GPR155: variants seen among roughly 807,000 people sequenced by gnomAD.
GPR155 encodes the protein lysosomal cholesterol signaling protein.
GPR155 carries 65 observed loss-of-function variants against 93.1 expected under a neutral mutation model. The observed-to-expected ratio is 0.70, with a 90% CI of 0.57 to 0.86. The LOEUF is 0.86. Ranked by LOEUF, GPR155 falls within the 40% of genes least tolerant of loss-of-function variation. The pLI, the probability that GPR155 is intolerant of heterozygous loss-of-function variation, is 0.00. For synonymous variants in GPR155, 319 were observed against 360.1 expected (o/e 0.89, Z 1.29); for missense variants, 838 against 1,034.8 (o/e 0.81, Z 2.61).
chr2:174,460,310 G>A (rs1298315223), intron 9 of GPR155, among the ~76,000 whole-genome samples: 9 of 151,752 alleles, frequency 5.9e-5, no homozygotes, highest in South Asian at 2.1e-4. Flanking sequence ...ACAGGCGCCC[G>A]CCACCACAAC....
At position 174,465,850 on chromosome 2, in the gene GPR155, A is replaced by G; in HGVS notation, c.1319T>C (p.Phe440Ser). 1.2e-6 allele frequency: 2 copies of G among 1,608,924 alleles called. No homozygotes were observed. Among genetic ancestry groups the G allele is most frequent in the East Asian group, 2.2e-5 (1 of 44,866 alleles). ...AACAAACACCAAAATTTGTCCAACA[A>G]AATTTTTTTCTTTAACAAAATTCCA... ...MIWNFVKEKN[F>S]VGQILVFVLL... Residue 440 changes from phenylalanine to serine, a missense_variant, in exon 7 of 16, where the codon TTT becomes TCT. Phe to Ser is a radical substitution (Grantham distance 155). Around this residue, in one of 3 missense-constraint regions of GPR155, gnomAD observed 663 missense variants for 790.1 expected, o/e 0.84. Transcript: ENST00000392552.
intron 11 of GPR155, among the ~76,000 whole-genome samples, chr2:174,447,335 T>A (rs1429282579): frequency 2.7e-5 from 4 of 146,386 alleles, no homozygotes; most frequent in Admixed American, 2.1e-4. Context: ...TTAAAAAAAA[T>A]AATAAAAAAT....
At chr2:174,486,292 CAG>C (rs1277170390) in intron 1 of GPR155, among the ~76,000 whole-genome samples, 1 of 152,152 alleles carries the variant, frequency 6.6e-6, no homozygotes, top group African/African-American at 2.4e-5. Flanking sequence ...ATAAGGGGCG[CAG>C]AGAGTTCCTA....
intron 2 of GPR155, among the ~76,000 whole-genome samples, chr2:174,480,061 T>A (rs1416708204): frequency 6.6e-6 from 1 of 152,186 alleles, no homozygotes; most frequent in South Asian, 2.1e-4. Flanking sequence ...GTACCAGCAG[T>A]GAAATAAGTT....
intron 7 of GPR155, among the ~76,000 whole-genome samples, chr2:174,462,901 A>G (rs767750815): frequency 3.9e-5 from 6 of 152,162 alleles, no homozygotes; most frequent in Non-Finnish European, 8.8e-5. Context: ...AGGGACCTCT[A>G]TTTTTAAATG....
chr2:174,445,047 C>A, intron 13 of GPR155, 34 bp downstream of exon 13: 2 of 1,090,646 alleles, frequency 1.8e-6, no homozygotes, highest in Non-Finnish European at 2.8e-6. Context: ...TCCAGGAAGA[C>A]AAAAACCCCT....
At chr2:174,452,730 C>G (rs1434770028) in intron 11 of GPR155, among the ~76,000 whole-genome samples, 1 of 152,158 alleles carries the variant, frequency 6.6e-6, no homozygotes, top group African/African-American at 2.4e-5. Flanking sequence ...ACTGCAACCT[C>G]CGCCTCCTGT....
At chr2:174,474,984 C>T (rs1688104210) in intron 2 of GPR155, among the ~76,000 whole-genome samples, 1 of 151,926 alleles carries the variant, frequency 6.6e-6, no homozygotes, top group Non-Finnish European at 1.5e-5. Flanking sequence ...GAGAGGCAAA[C>T]GTGAAAACAT....
intron 2 of GPR155, among the ~76,000 whole-genome samples, chr2:174,475,810 G>C (rs1429551028): frequency 1.3e-5 from 2 of 152,050 alleles, no homozygotes; most frequent in East Asian, 3.8e-4. Flanking sequence ...TTTTATAATA[G>C]AGCAGATATT....
At position 174,437,332 on chromosome 2, in the gene GPR155, AC is replaced by A. The variant is rs1454375331; in HGVS notation, c.2313-917del. Among the ~76,000 whole-genome samples, 2 of 152,206 alleles carry A rather than the reference AC, an allele frequency of 1.3e-5. 1 individual carries two copies. The highest frequency in any genetic ancestry group is 6.3e-3 in the Middle Eastern group (2 of 316). ...AGAAATAGGTGACAAAAATTTAAAA[AC>A]ATTTCACCATAAATGAATATTCATT... On this transcript the variant is annotated intron_variant, in intron 15 of 15. Transcript: ENST00000392552.
chr2:174,481,624 A>C lies in GPR155; in HGVS notation c.333T>G (p.Ala111=), dbSNP rs1250866714. ...SFLYSILIAK[A]SVFFIVCVLT... is the part of the protein sequence containing the mutation. The stretch of plus-strand genomic sequence containing the variant: ...ATACACATACAATGAAAAATACAGA[A>C]GCTTTGGCAATTAAGATACTATATA... Residue 111 remains alanine, a synonymous_variant, in exon 2 of 16, where the codon GCT becomes GCG. Coordinates refer to ENST00000392552, the MANE Select transcript of GPR155 (RefSeq NM_152529.7). 1.2e-6 allele frequency: 2 copies of C among 1,613,692 alleles called. No homozygotes were observed. Among genetic ancestry groups the C allele is most frequent in the South Asian group, 2.2e-5 (2 of 91,084 alleles).
In GPR155 at chr2:174,454,608, C is replaced by T. The variant is rs142077348; in HGVS notation, c.1772-767G>A. Among the ~76,000 whole-genome samples the T allele has an allele frequency of 1.4e-4, 21 of 146,010 alleles. No individual in the cohort carries two copies. In the East Asian group the frequency reaches 2.0e-3, roughly 14 times the overall value. On this transcript the variant is annotated intron_variant, in intron 10 of 15. Transcript: ENST00000392552. ...AGTTTGAGATTACAGGGAGCAGTCA[C>T]GCTCCAGCCTGGGGAAAGAAGGAAG...
intron 5 of GPR155, among the ~76,000 whole-genome samples, chr2:174,468,016 A>G (rs1687889724): frequency 6.6e-6 from 1 of 152,202 alleles, no homozygotes; most frequent in South Asian, 2.1e-4. Flanking sequence ...GATTACAGGC[A>G]TGAGCCACGG....
chr2:174,438,798 C>T (rs571355662), intron 15 of GPR155, among the ~76,000 whole-genome samples: 62 of 152,242 alleles, frequency 4.1e-4, no homozygotes, highest in Non-Finnish European at 6.2e-4. Flanking sequence ...TGAGCCAGCA[C>T]GCCCGGCCCT....
chr2:174,441,196 C>G (rs11691378), intron 14 of GPR155, among the ~76,000 whole-genome samples: 37,971 of 151,684 alleles, frequency 0.25, 5,700 homozygotes, highest in Middle Eastern at 0.47. Context: ...AAAAACATCA[C>G]TATCTTTTTT....
intron 11 of GPR155, among the ~76,000 whole-genome samples, chr2:174,451,947 G>C (rs4972441): frequency 0.75 from 113,993 of 152,076 alleles, 43,934 homozygotes; most frequent in African/African-American, 0.84. Flanking sequence ...CCACGCTCAG[G>C]CGAGAATCAA....
chr2:174,470,594 A>G (rs372581322), intron 3 of GPR155, 39 bp from the exon 4 acceptor site: 4 of 1,586,930 alleles, frequency 2.5e-6, no homozygotes, highest in Admixed American at 1.7e-5. Context: ...CTGATATCAA[A>G]GCATGGTTGT....
At chr2:174,465,121 TC>T (rs1574722795) in intron 7 of GPR155, among the ~76,000 whole-genome samples, 1 of 152,214 alleles carries the variant, frequency 6.6e-6, no homozygotes, top group Non-Finnish European at 1.5e-5. Flanking sequence ...ATTTTGAATA[TC>T]CTTTTTGGAG....
rs996727306 is a variant in GPR155 at position 174,482,103 on chromosome 2, C to T, written c.-31-116G>A. 65 of 595,376 alleles carry T rather than the reference C, an allele frequency of 1.1e-4. No homozygotes were observed. The East Asian group carries it at 1.3e-3, about 12-fold the overall frequency. The allele number at this position is 595,376 out of a possible 1,614,324, so 36.9% of individuals were successfully genotyped here. ...TAAATGGCCAAATAAATATACATAC[C>T]CCTAGATTTATTTACTTATTCAATG... On this transcript the variant is annotated intron_variant, in intron 1 of 15. Coordinates refer to ENST00000392552, the MANE Select transcript of GPR155 (RefSeq NM_152529.7).
Sources: gnomAD v4.1 joint callset for allele counts (sites outside exome capture counted in the v4.1 genomes callset) on GRCh38, gnomAD v4.1.1 for gene constraint, gnomAD v4.1.1 regional missense constraint, MANE v1.5 for transcripts, NCBI Gene and HGNC (gene_info 2026-07-23, HGNC 2026-07-21) for gene names.